The following LHFPL6 variants were observed in gnomAD, a reference collection of about 807,000 sequenced individuals.
LHFPL6 encodes the protein LHFPL tetraspan subfamily member 6 protein.
In LHFPL6, 9 loss-of-function variants were observed where a neutral mutation model predicts 20.6. The ratio of observed to expected loss-of-function variants is 0.44; its 90% CI spans 0.26 to 0.76. The LOEUF (loss-of-function observed/expected upper bound fraction) is 0.76. Ranked by LOEUF, LHFPL6 falls within the 30% of genes least tolerant of loss-of-function variation. LHFPL6 has a pLI of 0.20. For synonymous variants in LHFPL6, 105 were observed against 98.7 expected (o/e 1.06, Z -0.38); for missense variants, 218 against 253.5 (o/e 0.86, Z 0.95).
At chr13:39,481,738 A>T (rs528628857) in intron 2 of LHFPL6, among the ~76,000 whole-genome samples, 1 of 152,332 alleles carries the variant, frequency 6.6e-6, no homozygotes, top group East Asian at 1.9e-4. Context: ...CAAGGATCCG[A>T]TCATGCAAGG....
chr13:39,521,017 A>G (rs1386839878), intron 2 of LHFPL6, among the ~76,000 whole-genome samples: 1 of 152,226 alleles, frequency 6.6e-6, no homozygotes, highest in Admixed American at 6.5e-5. Context: ...GGCACCAGGC[A>G]TGATCTGAAA....
At chr13:39,443,240 C>T (rs1258938441) in intron 2 of LHFPL6, among the ~76,000 whole-genome samples, 1 of 152,136 alleles carries the variant, frequency 6.6e-6, no homozygotes, top group East Asian at 1.9e-4. Context: ...CTCTCATATG[C>T]ACTCTTTTGC....
Position 39,525,403 on chromosome 13 carries a change from T to C in LHFPL6, c.385+75429A>G, listed in dbSNP as rs558496318. On this transcript the variant is annotated intron_variant, in intron 2 of 3. Transcript: ENST00000379589. ...ATGAAATAACTAATTTTCATAAAAA[T>C]ATCTTTTGTCGTAATATCGTATTAC... 3.3e-5 allele frequency among the ~76,000 whole-genome samples: 5 copies of C among 152,362 alleles called. No individual in the cohort carries two copies. The South Asian group carries it at 8.3e-4, about 25-fold the overall frequency.
intron 3 of LHFPL6, among the ~76,000 whole-genome samples, chr13:39,356,563 T>C (rs1869732220): frequency 1.3e-5 from 2 of 152,072 alleles, no homozygotes; most frequent in Admixed American, 6.6e-5. Flanking sequence ...ATACAAAAGA[T>C]CAATCAAACC....
intron 2 of LHFPL6, among the ~76,000 whole-genome samples, chr13:39,413,604 T>TAAG (rs1555261394): frequency 1.4e-4 from 21 of 148,560 alleles, no homozygotes; most frequent in East Asian, 4.0e-4. Flanking sequence ...TTTTTTTTCT[T>TAAG]TAAGTAAGTT....
intron 2 of LHFPL6, among the ~76,000 whole-genome samples, chr13:39,507,871 C>T (rs1566127614): frequency 8.2e-6 from 1 of 122,146 alleles, no homozygotes; most frequent in Non-Finnish European, 1.8e-5. Context: ...CAAGTCCAGG[C>T]TTTATCTTGC....
chr13:39,532,614 C>T (rs1175475384), intron 2 of LHFPL6, among the ~76,000 whole-genome samples: 1 of 152,086 alleles, frequency 6.6e-6, no homozygotes, highest in Non-Finnish European at 1.5e-5. Context: ...ATGGTGTCTT[C>T]TATGAGTTAA....
intron 2 of LHFPL6, among the ~76,000 whole-genome samples, chr13:39,443,258 C>T (rs1872188411): frequency 6.6e-6 from 1 of 152,154 alleles, no homozygotes; most frequent in South Asian, 2.1e-4. Flanking sequence ...TGCCCTCCTG[C>T]TTTCTGTCAT....
intron 2 of LHFPL6, among the ~76,000 whole-genome samples, chr13:39,594,236 C>G (rs1872704685): frequency 6.6e-6 from 1 of 152,136 alleles, no homozygotes; most frequent in African/African-American, 2.4e-5. Context: ...GGGCTAATAT[C>G]CAGAATCTAC....
At chr13:39,533,919 G>A (rs1434577763) in intron 2 of LHFPL6, among the ~76,000 whole-genome samples, 1 of 152,166 alleles carries the variant, frequency 6.6e-6, no homozygotes, top group African/African-American at 2.4e-5. Context: ...TTTTAGGGTA[G>A]AACATTGGGT....
At position 39,435,004 on chromosome 13, in the gene LHFPL6, C is replaced by T. The variant is rs181714263; in HGVS notation, c.386-56478G>A. On this transcript the variant is annotated intron_variant, in intron 2 of 3. Transcript: ENST00000379589. ...CCAGGAAGTGGAGCTTGCAGTGAGC[C>T]GAGATTGCGCCACTGCAGTCCGCAG... Among the ~76,000 whole-genome samples, 357 of 126,598 alleles carry T rather than the reference C, an allele frequency of 2.8e-3. 4 individuals are homozygous for T. The highest frequency in any genetic ancestry group is 1.0e-2 in the African/African-American group (337 of 33,800). The allele number at this position is 126,598 out of a possible 152,430, so 83.1% of individuals were successfully genotyped here.
At chr13:39,463,407 A>G (rs1194381410) in intron 2 of LHFPL6, among the ~76,000 whole-genome samples, 1 of 144,430 alleles carries the variant, frequency 6.9e-6, no homozygotes, top group Non-Finnish European at 1.5e-5. Context: ...TTATATAATT[A>G]TTAAAAACTG....
At chr13:39,429,670 C>T (rs1871736680) in intron 2 of LHFPL6, among the ~76,000 whole-genome samples, 2 of 152,000 alleles carry the variant, frequency 1.3e-5, no homozygotes, top group East Asian at 1.9e-4. Flanking sequence ...TTCTAATCCT[C>T]TTTATGAAAA....
At chr13:39,457,172 T>C (rs1007545044) in intron 2 of LHFPL6, among the ~76,000 whole-genome samples, 1 of 152,206 alleles carries the variant, frequency 6.6e-6, no homozygotes, top group Admixed American at 6.5e-5. Flanking sequence ...TGAAAAATCT[T>C]ATATTTGAAA....
intron 2 of LHFPL6, among the ~76,000 whole-genome samples, chr13:39,426,965 T>A (rs1871656034): frequency 6.6e-6 from 1 of 152,132 alleles, no homozygotes; most frequent in African/African-American, 2.4e-5. Flanking sequence ...AATTTCATTT[T>A]GTTGCATTTA....
At chr13:39,494,193 G>T (rs1178007321) in intron 2 of LHFPL6, among the ~76,000 whole-genome samples, 2 of 152,172 alleles carry the variant, frequency 1.3e-5, no homozygotes, top group African/African-American at 4.8e-5. Flanking sequence ...CTGTGAAAAG[G>T]CAGGAAGCAC....
In LHFPL6 at chr13:39,525,826, T is replaced by C. The variant is rs531916879; in HGVS notation, c.385+75006A>G. Among the ~76,000 whole-genome samples the C allele has an allele frequency of 6.1e-4, 93 of 151,950 alleles. 2 individuals carry two copies. Among genetic ancestry groups the C allele is most frequent in the Admixed American group, 6.1e-3 (93 of 15,262 alleles). On this transcript the variant is annotated intron_variant, in intron 2 of 3. Transcript: ENST00000379589. ...TTTATTATCAAACACAGTAAAATCA[T>C]AATCCTCATAAAAAGTCTTGAGGTT...
At chr13:39,514,968 C>T (rs4943672) in intron 2 of LHFPL6, among the ~76,000 whole-genome samples, 107,462 of 152,088 alleles carry the variant, frequency 0.71, 39,869 homozygotes, top group Admixed American at 0.82. Flanking sequence ...TCTAGGCATT[C>T]GCAGGAATAG....
intron 2 of LHFPL6, among the ~76,000 whole-genome samples, chr13:39,565,822 T>C (rs879907160): frequency 1.1e-4 from 16 of 152,192 alleles, no homozygotes; most frequent in South Asian, 2.1e-4. Flanking sequence ...CCACCTACAC[T>C]GGGGCTCCCA....
Sources: allele counts gnomAD v4.1 joint callset (sites outside exome capture counted in the v4.1 genomes callset), GRCh38; gene constraint gnomAD v4.1.1; transcripts MANE v1.5; gene names NCBI Gene and HGNC (gene_info 2026-07-23, HGNC 2026-07-21).